The following TMEM164 variants were observed in gnomAD, a reference collection of about 807,000 sequenced individuals.
TMEM164 encodes the protein transmembrane protein 164, also known as RP13-360B22.2.
Under a neutral mutation model 18.8 loss-of-function variants are expected in TMEM164, and 4 were observed. The ratio of observed to expected loss-of-function variants is 0.21; its 90% confidence interval spans 0.10 to 0.49. TMEM164 has a LOEUF of 0.49. Among genes scored for constraint, TMEM164 ranks in the 20% least tolerant of loss-of-function variants. The pLI, the probability that TMEM164 is intolerant of heterozygous loss-of-function variation, is 0.98. For synonymous variants in TMEM164, 86 were observed against 101.7 expected (o/e 0.85, Z 0.93); for missense variants, 108 against 239.9 (o/e 0.45, Z 3.63).
chrX:110,096,663 C>T (rs746727442), intron 3 of TMEM164, among the ~76,000 whole-genome samples: 14 of 112,231 alleles, frequency 1.2e-4, no homozygotes, highest in African/African-American at 4.2e-4. Flanking sequence ...TGCCCTGCTT[C>T]GGCTCATGCT....
chrX:110,126,868 TTGG>T (rs2066539828), intron 4 of TMEM164, among the ~76,000 whole-genome samples: 2 of 87,973 alleles, frequency 2.3e-5, no homozygotes, highest in Non-Finnish European at 4.4e-5. Flanking sequence ...GTGTGTGGTG[TTGG>T]TGGGAAGAAC....
chrX:110,151,986 T>C (rs1017182905), intron 5 of TMEM164, among the ~76,000 whole-genome samples: 1 of 111,232 alleles, frequency 9.0e-6, no homozygotes, highest in African/African-American at 3.3e-5. Context: ...TTGACTTTGC[T>C]AATGTTTTAT....
At chrX:110,085,315 C>T (rs779087912) in intron 3 of TMEM164, among the ~76,000 whole-genome samples, 14 of 64,958 alleles carry the variant, frequency 2.2e-4, no homozygotes, top group African/African-American at 7.4e-5. Flanking sequence ...AAAACACCAC[C>T]ATGCTTGGCT....
Position 110,003,617 on chromosome X carries a change from G to C in TMEM164, c.-158G>C, listed in dbSNP as rs752931856. ...GCCAGCACTTTACCCCGGGCCTTGC[G>C]TGTAGCTTCCCCTCCCCTACTCTCG... On this transcript the variant is annotated 5_prime_UTR_variant, in exon 2 of 7. Transcript: ENST00000372068. The C allele has an allele frequency of 6.7e-6, 4 of 599,079 alleles. No homozygotes were observed. The highest frequency in any genetic ancestry group is 4.6e-5 in the African/African-American group (2 of 43,319). 49.4% of individuals were successfully genotyped at this position (599,079 alleles called of 1,213,427 possible). A position where few individuals can be genotyped will look rare whatever the true frequency, so the allele number is the denominator to read the frequency against.
At chrX:110,152,636 T>C (rs752842385) in intron 5 of TMEM164, among the ~76,000 whole-genome samples, 1 of 111,490 alleles carries the variant, frequency 9.0e-6, no homozygotes, top group South Asian at 3.8e-4. Context: ...CCAATCTGCT[T>C]GTGGAGAAGA....
intron 2 of TMEM164, among the ~76,000 whole-genome samples, chrX:110,015,501 G>A (rs6642730): frequency 0.44 from 48,687 of 109,816 alleles, 7,966 homozygotes; most frequent in East Asian, 0.81. Context: ...CTTGTTCATT[G>A]TTGGTTTGCA....
At chrX:110,017,496 C>G in intron 2 of TMEM164, among the ~76,000 whole-genome samples, 1 of 2,922 alleles carries the variant, frequency 3.4e-4, no homozygotes, top group South Asian at 0.024. Context: ...CCCTCCCTCC[C>G]TCCCTCCCTC....
At chrX:110,079,472 T>C (rs2065720653) in intron 3 of TMEM164, among the ~76,000 whole-genome samples, 1 of 112,073 alleles carries the variant, frequency 8.9e-6, no homozygotes, top group African/African-American at 3.2e-5. Context: ...GATTGTACTT[T>C]GTCTTCAGGA....
chrX:110,091,078 G>T (rs2065920981), intron 3 of TMEM164, among the ~76,000 whole-genome samples: 1 of 111,536 alleles, frequency 9.0e-6, no homozygotes, highest in Non-Finnish European at 1.9e-5. Context: ...TGGTGTATAT[G>T]TGCCACATTT....
At chrX:110,044,593 CTTTTTT>C (rs56400284) in intron 2 of TMEM164, among the ~76,000 whole-genome samples, 2 of 35,956 alleles carry the variant, frequency 5.6e-5, no homozygotes, top group South Asian at 5.4e-3. Flanking sequence ...CCATTCCTTG[CTTTTTT>C]TTTTTTTTTT....
intron 5 of TMEM164, among the ~76,000 whole-genome samples, chrX:110,164,995 C>G (rs1340190960): frequency 2.7e-5 from 3 of 112,703 alleles, no homozygotes; most frequent in Non-Finnish European, 5.6e-5. Context: ...GTTGCCTATC[C>G]TGTTCCCTTT....
chrX:110,015,752 G>A (rs748797978), intron 2 of TMEM164, among the ~76,000 whole-genome samples: 3 of 111,770 alleles, frequency 2.7e-5, no homozygotes, highest in Non-Finnish European at 5.6e-5. Context: ...CAGCCCCACA[G>A]GGAATGTTGG....
At chrX:110,089,296 C>G (rs2065893850) in intron 3 of TMEM164, among the ~76,000 whole-genome samples, 1 of 111,775 alleles carries the variant, frequency 8.9e-6, no homozygotes, top group African/African-American at 3.3e-5. Context: ...CACCCAGGTT[C>G]AAGCGATTCT....
intron 2 of TMEM164, among the ~76,000 whole-genome samples, chrX:110,050,396 AG>A (rs1320269784): frequency 8.9e-6 from 1 of 112,061 alleles, no homozygotes; most frequent in Non-Finnish European, 1.9e-5. Flanking sequence ...TGGTACAGAA[AG>A]GCCCTTTTTC....
chrX:110,025,592 T>A (rs922286208), intron 2 of TMEM164, among the ~76,000 whole-genome samples: 1 of 112,357 alleles, frequency 8.9e-6, no homozygotes. Flanking sequence ...GAGGCCACAG[T>A]GTGGCAGTAT....
At chrX:110,025,755 C>T (rs373708868) in intron 2 of TMEM164, among the ~76,000 whole-genome samples, 7 of 111,917 alleles carry the variant, frequency 6.3e-5, no homozygotes, top group East Asian at 2.8e-4. Flanking sequence ...TAATTTTGGC[C>T]TCTGGTCTCA....
At chrX:110,133,499 C>T (rs2066642094) in intron 4 of TMEM164, among the ~76,000 whole-genome samples, 1 of 111,903 alleles carries the variant, frequency 8.9e-6, no homozygotes, top group Non-Finnish European at 1.9e-5. Context: ...TTAGGACCCA[C>T]CCATATGACC....
chrX:110,171,326 G>A, intron 5 of TMEM164, 94 bp from the exon 6 acceptor site: 1 of 590,339 alleles, frequency 1.7e-6, no homozygotes, highest in Non-Finnish European at 2.8e-6. Context: ...CAGTCATCAG[G>A]CAGCAGCTGT....
chrX:110,033,416 A>G (rs1290509591), intron 2 of TMEM164, among the ~76,000 whole-genome samples: 1 of 112,009 alleles, frequency 8.9e-6, no homozygotes, highest in Non-Finnish European at 1.9e-5. Context: ...AGTATGTTTT[A>G]TTTGAAAAGA....
Sources: gnomAD v4.1 joint callset for allele counts (sites outside exome capture counted in the v4.1 genomes callset) on GRCh38, gnomAD v4.1.1 for gene constraint, MANE v1.5 for transcripts, NCBI Gene and HGNC (gene_info 2026-07-23, HGNC 2026-07-21) for gene names.